Variants in SH3BP2 observed in about 807,000 individuals in gnomAD.
The protein encoded by SH3BP2 is SH3 domain binding protein 2, also known as SH3 domain-binding protein 2.
SH3BP2 carries 38 observed loss-of-function variants against 56.2 expected under a neutral mutation model. The observed-to-expected ratio is 0.68, with a 90% CI of 0.52 to 0.89. The LOEUF (loss-of-function observed/expected upper bound fraction) is 0.89. SH3BP2 is among the 40% of genes least tolerant of loss of function. SH3BP2 has a pLI of 0.00. For synonymous variants in SH3BP2, 346 were observed against 316.7 expected (o/e 1.09, Z -0.98); for missense variants, 748 against 762.6 (o/e 0.98, Z 0.23).
chr4:2,801,202 G>A (rs1013153618), intron 1 of SH3BP2, among the ~76,000 whole-genome samples: 3 of 151,518 alleles, frequency 2.0e-5, no homozygotes, highest in Admixed American at 6.6e-5. Flanking sequence ...CGGGCCCACC[G>A]CCAGACCCTT....
chr4:2,833,162 G>A (rs1041892041), intron 12 of SH3BP2, 113 bp downstream of exon 12: 1 of 927,146 alleles, frequency 1.1e-6, no homozygotes, highest in Non-Finnish European at 1.8e-6. Flanking sequence ...GGCACCTCCA[G>A]GATACCGCCC....
At position 2,832,317 on chromosome 4, in the gene SH3BP2, C is replaced by T. The variant is rs1553807701; in HGVS notation, c.1407-14C>T. On this transcript the variant is annotated splice_polypyrimidine_tract_variant and intron_variant, in intron 10 of 12. Transcript: ENST00000503393. ...GAGGAGGACTCACCCGCTAATATGA[C>T]TGTCTTATTTTAGGTTGTTCAAGGC... 6.2e-7 allele frequency: 1 copy of T among 1,608,914 alleles called. No homozygotes were observed. Among genetic ancestry groups the T allele is most frequent in the Admixed American group, 1.7e-5 (1 of 60,018 alleles).
intron 3 of SH3BP2, 72 bp downstream of exon 3, chr4:2,823,109 G>A: frequency 8.9e-7 from 1 of 1,123,112 alleles, no homozygotes; most frequent in Middle Eastern, 2.0e-4. Context: ...AGCCCCAGCT[G>A]GGCCTGCCCC....
intron 1 of SH3BP2, among the ~76,000 whole-genome samples, chr4:2,796,021 C>T (rs143232901): frequency 6.6e-6 from 1 of 152,292 alleles, no homozygotes; most frequent in East Asian, 1.9e-4. Flanking sequence ...GGACCCTCCT[C>T]ACCACCCCTT....
In SH3BP2 at chr4:2,812,218, T is replaced by A. The variant is rs1018001466; in HGVS notation, c.-4-8396T>A. 8 of 1,488,110 alleles carry A rather than the reference T, an allele frequency of 5.4e-6. No homozygotes were observed. The Admixed American group carries it at 6.5e-5, about 12-fold the overall frequency. 92.2% of individuals were successfully genotyped at this position (1,488,110 alleles called of 1,614,324 possible). A position where few individuals can be genotyped will look rare whatever the true frequency, so the allele number is the denominator to read the frequency against. On this transcript the variant is annotated intron_variant, in intron 1 of 12. Transcript: ENST00000503393. ...AGGGTAGAAGGCAGGAAGTGCCGGC[T>A]ACTTGGTGCTGCCCAGGGAGCAGGG...
intron 1 of SH3BP2, chr4:2,798,525 A>C: frequency 6.6e-6 from 1 of 152,330 alleles, no homozygotes; most frequent in Non-Finnish European, 1.5e-5. Context: ...CCTCTCTCGG[A>C]AACGCCCCTC....
chr4:2,797,502 G>T (rs1723103424), intron 1 of SH3BP2, among the ~76,000 whole-genome samples: 1 of 152,190 alleles, frequency 6.6e-6, no homozygotes, highest in Non-Finnish European at 1.5e-5. Flanking sequence ...GGTGCCCATG[G>T]GTAGCAGCTC....
chr4:2,829,620 G>T lies in SH3BP2; in HGVS notation c.714G>T (p.Pro238=), dbSNP rs369981092. ...GCCCCGGTCCCCTACTGCCACCCCC[G>T]CCCCCTAAGCACGGCCTCCCAGATG... ...SKGPGPLLPP[P]PPKHGLPDVG... is the part of the protein sequence containing the mutation. Residue 238 remains proline (P), a synonymous_variant, in exon 8 of 13, where the codon CCG becomes CCT. Coordinates refer to ENST00000503393, the MANE Select transcript of SH3BP2 (RefSeq NM_001122681.2). This position sits in a 1 kb window ranked among gnomAD's most constrained non-coding sequence, Gnocchi z 4.9. 6.9e-7 allele frequency: 1 copy of T among 1,457,518 alleles called. No individual in the cohort carries two copies. The highest frequency in any genetic ancestry group is 9.2e-7 in the Non-Finnish European group (1 of 1,083,250). 90.3% of individuals were successfully genotyped at this position (1,457,518 alleles called of 1,614,324 possible).
At chr4:2,821,503 G>T (rs1724303209) in intron 2 of SH3BP2, among the ~76,000 whole-genome samples, 1 of 152,198 alleles carries the variant, frequency 6.6e-6, no homozygotes, top group Non-Finnish European at 1.5e-5. Context: ...TCCACCTAGG[G>T]GTGGCCCCAC....
chr4:2,818,424 A>C, intron 1 of SH3BP2: 1 of 1,118,690 alleles, frequency 8.9e-7, no homozygotes, highest in Non-Finnish European at 1.1e-6. Flanking sequence ...GAGCCCCGGG[A>C]CCCGGGCCGC....
Position 2,833,803 on chromosome 4 carries a change from G to T in SH3BP2, c.1655G>T (p.Arg552Leu). 6.3e-7 allele frequency: 1 copy of T among 1,589,808 alleles called. No individual in the cohort carries two copies. The highest frequency in any genetic ancestry group is 8.6e-7 in the Non-Finnish European group (1 of 1,168,088). ...CCCAGCCACCAGAGCCTGCTGCTGC[G>T]GCACCCCTACGGCTACACTGGGCCT... Reference protein sequence around the residue: ...VLPSHQSLLLRHPYGYTGPR With the variant: ...VLPSHQSLLLLHPYGYTGPR The change falls in exon 13 of 13, where the codon CGG becomes CTG. Residue 552 changes from arginine (R) to leucine (L), a missense_variant. Physicochemically the swap from Arg to Leu is moderately radical, Grantham distance 102 (BLOSUM62 -2). Around this residue, in one of 3 missense-constraint regions of SH3BP2, gnomAD observed 635 missense variants for 615.0 expected, o/e 1.03. Transcript: ENST00000503393.
chr4:2,823,339 C>T (rs984670856), intron 3 of SH3BP2: 14 of 514,534 alleles, frequency 2.7e-5, no homozygotes, highest in South Asian at 1.7e-4. Flanking sequence ...CCAGTGACTT[C>T]TGCATCTCTC....
At position 2,829,585 on chromosome 4, in the gene SH3BP2, A is replaced by T; in HGVS notation, c.679A>T (p.Thr227Ser). Residue 227 changes from threonine (T) to serine (S), a missense_variant, in exon 8 of 13, where the codon ACC (threonine) becomes TCC (serine). This residue lies in a region of SH3BP2 where 635 missense variants were observed against 615.0 expected (regional missense o/e 1.03). Transcript: ENST00000503393. The surrounding 1 kb of genome is among the most constrained non-coding windows in gnomAD (Gnocchi z 4.9). ...FSDMPRAHSF[T>S]SKGPGPLLPP... ...TGACATGCCCCGGGCCCACTCCTTT[A>T]CCTCCAAGGGCCCCGGTCCCCTACT... is the stretch of plus-strand genomic sequence containing the variant. 1 of 1,611,160 alleles carries T rather than the reference A, an allele frequency of 6.2e-7. No homozygotes were observed. Among genetic ancestry groups the T allele is most frequent in the South Asian group, 1.1e-5 (1 of 90,958 alleles).
intron 1 of SH3BP2, among the ~76,000 whole-genome samples, chr4:2,803,131 G>A (rs561019000): frequency 6.6e-6 from 1 of 152,200 alleles, no homozygotes; most frequent in Non-Finnish European, 1.5e-5. Context: ...GACAGGCGGC[G>A]CAGGGCTCTC....
rs1290744471 is a variant in SH3BP2 at position 2,820,735 on chromosome 4, C to T, written c.118C>T (p.Gln40Ter). ...AGYLHKKGGTQLQLLKWPLRF... is the reference protein window; with the variant it reads ...AGYLHKKGGT ...CTACCTGCACAAGAAGGGCGGTACC[C>T]AGCTGCAGCTGCTGAAATGTGAGTC... The change falls in exon 2 of 13, where the codon CAG becomes TAG. Residue 40 changes from glutamine (Q) to a stop codon, truncating the protein, a stop_gained. Coordinates refer to ENST00000503393, the MANE Select transcript of SH3BP2 (RefSeq NM_001122681.2). LOFTEE classifies it high-confidence loss of function. 6.2e-7 allele frequency: 1 copy of T among 1,613,676 alleles called. No individual in the cohort carries two copies. The highest frequency in any genetic ancestry group is 8.5e-7 in the Non-Finnish European group (1 of 1,179,786).
intron 3 of SH3BP2, chr4:2,823,322 C>A: frequency 1.9e-6 from 1 of 535,000 alleles, no homozygotes; most frequent in South Asian, 1.5e-5. Flanking sequence ...CTCCACTCGG[C>A]CACCACCCAG....
chr4:2,812,738 C>CT (rs397956064), intron 1 of SH3BP2, among the ~76,000 whole-genome samples: 3 of 152,026 alleles, frequency 2.0e-5, no homozygotes, highest in Non-Finnish European at 4.4e-5. Flanking sequence ...CCCACCCCCC[C>CT]ATCACATGCG....
chr4:2,830,138 C>T lies in SH3BP2; in HGVS notation c.1232C>T (p.Pro411Leu), dbSNP rs376008602. 1.6e-5 allele frequency: 26 copies of T among 1,600,450 alleles called. No individual in the cohort carries two copies. The highest frequency in any genetic ancestry group is 9.3e-5 in the African/African-American group (7 of 74,924). ...VLPRPEKPQLPHLQRSPPDGQ... is the reference protein window; with the variant it reads ...VLPRPEKPQLLHLQRSPPDGQ... ...CCCAGGCCAGAGAAGCCGCAGCTCC[C>T]GCACCTCCAGTGAGTTTGTGTGGCG... Residue 411 changes from proline (P) to leucine (L), a missense_variant, in exon 8 of 13, where the codon CCG (proline) becomes CTG (leucine). Physicochemically the swap from Pro to Leu is moderately conservative, Grantham distance 98. Transcript: ENST00000503393.
rs1354246175 is a variant in SH3BP2 at position 2,830,161 on chromosome 4, G to A, written c.1241+14G>A. On this transcript the variant is annotated intron_variant, in intron 8 of 12. Coordinates refer to ENST00000503393, the MANE Select transcript of SH3BP2 (RefSeq NM_001122681.2). ...CCCGCACCTCCAGTGAGTTTGTGTG[G>A]CGGCTGCAAGCCCTGCCTCCAGCTA... 1 of 1,595,150 alleles carries A rather than the reference G, an allele frequency of 6.3e-7. No homozygotes were observed. Among genetic ancestry groups the A allele is most frequent in the Non-Finnish European group, 8.5e-7 (1 of 1,178,184 alleles).
Sources: allele counts gnomAD v4.1 joint callset (sites outside exome capture counted in the v4.1 genomes callset), GRCh38; gene constraint gnomAD v4.1.1; regional missense constraint gnomAD v4.1.1; non-coding constraint Gnocchi (gnomAD v3.1); transcripts MANE v1.5; gene names NCBI Gene and HGNC (gene_info 2026-07-23, HGNC 2026-07-21).